The following MAPKAPK5 variants were observed in gnomAD, a reference collection of about 807,000 sequenced individuals.
The protein encoded by MAPKAPK5 is MAPK activated protein kinase 5.
Under a neutral mutation model 65.1 loss-of-function variants are expected in MAPKAPK5, and 30 were observed. The observed-to-expected ratio is 0.46, with a 90% CI of 0.34 to 0.63. The LOEUF (loss-of-function observed/expected upper bound fraction) is 0.63, where lower values mean the gene tolerates loss of function less well. MAPKAPK5 is among the 20% of genes least tolerant of loss of function. MAPKAPK5 has a pLI of 0.01. For missense variants in MAPKAPK5, 433 were observed against 581.4 expected (o/e 0.74, Z 2.63); for synonymous variants, 179 against 204.6 (o/e 0.87, Z 1.07).
At chr12:111,880,930 C>T (rs16941703) in intron 8 of MAPKAPK5, among the ~76,000 whole-genome samples, 29,721 of 152,056 alleles carry the variant, frequency 0.2, 3,119 homozygotes, top group Middle Eastern at 0.28. Context: ...GAGACACAGA[C>T]GCTAGAGAAC....
intron 1 of MAPKAPK5, among the ~76,000 whole-genome samples, chr12:111,858,213 C>T (rs549705109): frequency 1.3e-5 from 2 of 152,040 alleles, no homozygotes; most frequent in South Asian, 4.2e-4. Context: ...TCTTGTCTTT[C>T]AGTGTTTTGA....
intron 5 of MAPKAPK5, among the ~76,000 whole-genome samples, chr12:111,869,906 G>A (rs992705628): frequency 3.9e-5 from 6 of 152,302 alleles, no homozygotes; most frequent in East Asian, 1.9e-4. Context: ...TGGGAACTGC[G>A]CCTGCTGACC....
Position 111,854,243 on chromosome 12 carries a change from C to CT in MAPKAPK5, c.37-10995dup, listed in dbSNP as rs1345112193. Reference sequence around the variant, plus strand: ...TTCTTTTCTTTTTCTTTTTCTTTTTCTTTTTTTTTTTTGAGATGGAGTCTC... The same window carrying CT: ...TTCTTTTCTTTTTCTTTTTCTTTTTCTTTTTTTTTTTTTGAGATGGAGTCTC... On this transcript the variant is annotated intron_variant, in intron 1 of 13. Transcript: ENST00000550735. 8.4e-3 allele frequency among the ~76,000 whole-genome samples: 1,190 copies of CT among 141,830 alleles called. 12 individuals carry two copies. Among genetic ancestry groups the CT allele is most frequent in the African/African-American group, 0.021 (829 of 39,050 alleles). 93.0% of individuals were successfully genotyped at this position (141,830 alleles called of 152,430 possible).
intron 1 of MAPKAPK5, chr12:111,843,083 C>T (rs1363805139): frequency 7.5e-6 from 3 of 398,548 alleles, no homozygotes; most frequent in African/African-American, 4.1e-5. Context: ...TACTACTACA[C>T]GTTTCGATCA....
rs966616423 is a variant in MAPKAPK5, at chr12:111,843,112, A to G, written c.36+343A>G. The G allele has an allele frequency of 1.5e-5, 6 of 398,494 alleles. No homozygotes were observed. In the Admixed American group the frequency reaches 1.8e-4, roughly 12 times the overall value. 24.7% of individuals were successfully genotyped at this position (398,494 alleles called of 1,614,324 possible). A position where few individuals can be genotyped will look rare whatever the true frequency, so the allele number is the denominator to read the frequency against. ...TCGATCACTCCCCAAGGCCGCCAGC[A>G]TTTGCTTCCGGATGGTCTACAGAAC... On this transcript the variant is annotated intron_variant, in intron 1 of 13. Transcript: ENST00000550735.
intron 4 of MAPKAPK5, 96 bp from the exon 5 acceptor site, chr12:111,868,657 C>G: frequency 1.1e-6 from 1 of 871,088 alleles, no homozygotes; most frequent in Non-Finnish European, 1.8e-6. Flanking sequence ...TTTGTAGATG[C>G]AGTATCTTTA....
Position 111,842,748 on chromosome 12 carries a change from C to G in MAPKAPK5, c.15C>G (p.Ser5Arg). Reference sequence around the variant, plus strand: ...CCCCACTGAGTATGTCGGAGGAGAGCGACATGGACAAAGCCATCAAGGTAA... The same window carrying G: ...CCCCACTGAGTATGTCGGAGGAGAGGGACATGGACAAAGCCATCAAGGTAA... MSEE[S>R]DMDKAIKETS... is the part of the protein sequence containing the mutation. The change falls in exon 1 of 14, where the codon AGC becomes AGG. Residue 5 changes from serine (S) to arginine (R), a missense_variant. Coordinates refer to ENST00000550735, the MANE Select transcript of MAPKAPK5 (RefSeq NM_003668.4). 7.4e-7 allele frequency: 1 copy of G among 1,351,174 alleles called. No individual in the cohort carries two copies. The highest frequency in any genetic ancestry group is 9.6e-7 in the Non-Finnish European group (1 of 1,044,396). 83.7% of individuals were successfully genotyped at this position (1,351,174 alleles called of 1,614,324 possible). A position where few individuals can be genotyped will look rare whatever the true frequency, so the allele number is the denominator to read the frequency against.
At chr12:111,845,577 T>G (rs1043130860) in intron 1 of MAPKAPK5, among the ~76,000 whole-genome samples, 11 of 152,154 alleles carry the variant, frequency 7.2e-5, no homozygotes, top group African/African-American at 2.4e-4. Flanking sequence ...TTTGTTGGTT[T>G]GTTTGTTAGT....
Position 111,899,812 on chromosome 12 carries a change from C to G in MAPKAPK5, c.*6751C>G, listed in dbSNP as rs1174956246. 1.2e-5 allele frequency: 5 copies of G among 421,548 alleles called. No individual in the cohort carries two copies. Among genetic ancestry groups the G allele is most frequent in the African/African-American group, 2.0e-5 (1 of 49,436 alleles). The allele number at this position is 421,548 out of a possible 1,614,324, so 26.1% of individuals were successfully genotyped here. A position where few individuals can be genotyped will look rare whatever the true frequency, so the allele number is the denominator to read the frequency against. ...AGGAAAAATCTTACAGCATTGAGCCCATGGACTCTTCAAGACGGTTTGAAC... is the reference window on the plus strand; with the variant it reads ...AGGAAAAATCTTACAGCATTGAGCCGATGGACTCTTCAAGACGGTTTGAAC... On this transcript the variant is annotated 3_prime_UTR_variant, in exon 14 of 14. Coordinates refer to ENST00000550735, the MANE Select transcript of MAPKAPK5 (RefSeq NM_003668.4).
At chr12:111,866,897 C>T (rs527979743) in intron 3 of MAPKAPK5, among the ~76,000 whole-genome samples, 7 of 151,754 alleles carry the variant, frequency 4.6e-5, no homozygotes, top group Non-Finnish European at 8.8e-5. Context: ...CCACTGTGCC[C>T]GGCCTTTAGT....
rs756609303 is a variant in MAPKAPK5 at position 111,865,368 on chromosome 12, CA to C, written c.110+48del. 19 of 1,379,392 alleles carry C rather than the reference CA, an allele frequency of 1.4e-5. No individual in the cohort carries two copies. The African/African-American group carries it at 2.4e-4, about 18-fold the overall frequency. The allele number at this position is 1,379,392 out of a possible 1,614,324, so 85.4% of individuals were successfully genotyped here. ...AACTATGGCAAATTGTTGGCATGTG[CA>C]AACTCTGAGAAGGGCCATTTGAAAT... On this transcript the variant is annotated intron_variant, in intron 2 of 13. Transcript: ENST00000550735.
chr12:111,880,468 C>T lies in MAPKAPK5; in HGVS notation c.601C>T (p.His201Tyr). ...APQVLEAQRR[H>Y]QKEKSGIIPT... Reference sequence around the variant, plus strand: ...ACAGGTACTGGAGGCGCAAAGAAGGCATCAGAAGGAGAAATCTGGCATCAT... The same window carrying T: ...ACAGGTACTGGAGGCGCAAAGAAGGTATCAGAAGGAGAAATCTGGCATCAT... Residue 201 changes from histidine to tyrosine, a missense_variant, in exon 8 of 14, where the codon CAT becomes TAT. Transcript: ENST00000550735. The T allele has an allele frequency of 6.2e-7, 1 of 1,613,826 alleles. No individual in the cohort carries two copies. The highest frequency in any genetic ancestry group is 8.5e-7 in the Non-Finnish European group (1 of 1,179,818).
At chr12:111,892,880 G>C in intron 13 of MAPKAPK5, 87 bp from the exon 14 acceptor site, 1 of 898,284 alleles carries the variant, frequency 1.1e-6, no homozygotes, top group Non-Finnish European at 1.7e-6. Flanking sequence ...TTTGATACTG[G>C]TAAGGTGGAC....
chr12:111,845,427 A>G (rs2068876375), intron 1 of MAPKAPK5, among the ~76,000 whole-genome samples: 1 of 152,028 alleles, frequency 6.6e-6, no homozygotes, highest in Non-Finnish European at 1.5e-5. Flanking sequence ...AAGTGTTGGG[A>G]CTACAGGCAT....
In MAPKAPK5 at chr12:111,842,618, G is replaced by T; in HGVS notation, c.-116G>T. ...CCACCGGTCCCGAGGGGCGGCTGCTGCCCGTCGCCACGAGGCCCAGGGGCC... is the reference window on the plus strand; with the variant it reads ...CCACCGGTCCCGAGGGGCGGCTGCTTCCCGTCGCCACGAGGCCCAGGGGCC... On this transcript the variant is annotated 5_prime_UTR_variant, in exon 1 of 14. Transcript: ENST00000550735. 1 of 645,328 alleles carries T rather than the reference G, an allele frequency of 1.5e-6. No individual in the cohort carries two copies. The highest frequency in any genetic ancestry group is 2.3e-6 in the Non-Finnish European group (1 of 437,340). The allele number at this position is 645,328 out of a possible 1,614,324, so 40.0% of individuals were successfully genotyped here. A position where few individuals can be genotyped will look rare whatever the true frequency, so the allele number is the denominator to read the frequency against.
chr12:111,846,095 C>A (rs747590911), intron 1 of MAPKAPK5, among the ~76,000 whole-genome samples: 9 of 152,106 alleles, frequency 5.9e-5, no homozygotes, highest in Non-Finnish European at 1.2e-4. Context: ...GGTGAATCTA[C>A]GCTAATTTGG....
At chr12:111,880,378 C>T in intron 7 of MAPKAPK5, 69 bp from the exon 8 acceptor site, 1 of 1,253,418 alleles carries the variant, frequency 8.0e-7, no homozygotes, top group Non-Finnish European at 1.2e-6. Context: ...TCATAGTAGC[C>T]TGTCTCAAGG....
intron 8 of MAPKAPK5, among the ~76,000 whole-genome samples, chr12:111,881,041 G>A (rs1031165914): frequency 1.7e-4 from 26 of 152,130 alleles, no homozygotes; most frequent in Admixed American, 1.3e-3. Context: ...GTGTTACTTG[G>A]TAATATTACG....
chr12:111,883,452 A>G lies in MAPKAPK5; in HGVS notation c.661-129A>G, dbSNP rs2070305033. On this transcript the variant is annotated intron_variant, in intron 8 of 13. Coordinates refer to ENST00000550735, the MANE Select transcript of MAPKAPK5 (RefSeq NM_003668.4). The surrounding 1 kb of genome is among the most constrained non-coding windows in gnomAD (Gnocchi z 4.8). Reference sequence around the variant, plus strand: ...TCCTAAGACTTCCTTCAGCTTTCCTAGTCTCTGTTAAGTGACTCTAGTTTA... The same window carrying G: ...TCCTAAGACTTCCTTCAGCTTTCCTGGTCTCTGTTAAGTGACTCTAGTTTA... 3 of 685,712 alleles carry G rather than the reference A, an allele frequency of 4.4e-6. No homozygotes were observed. The highest frequency in any genetic ancestry group is 3.6e-5 in the African/African-American group (2 of 55,660). The allele number at this position is 685,712 out of a possible 1,614,324, so 42.5% of individuals were successfully genotyped here.
Sources: gnomAD v4.1 joint callset for allele counts (sites outside exome capture counted in the v4.1 genomes callset) on GRCh38, gnomAD v4.1.1 for gene constraint, Gnocchi (gnomAD v3.1) non-coding constraint, MANE v1.5 for transcripts, NCBI Gene and HGNC (gene_info 2026-07-23, HGNC 2026-07-21) for gene names.